Variants in CRPPA observed in about 807,000 individuals in gnomAD.
CRPPA encodes the protein CDP-L-ribitol pyrophosphorylase A.
In CRPPA, 43 loss-of-function variants were observed where a neutral mutation model predicts 52.0. The observed-to-expected ratio is 0.83, with a 90% CI of 0.65 to 1.07. The LOEUF is 1.07. CRPPA is among the 50% of genes least tolerant of loss of function. CRPPA has a pLI of 0.00. For synonymous variants in CRPPA, 250 were observed against 203.5 expected, an observed-to-expected ratio of 1.23 and a Z score of -1.94; for missense variants, 629 against 551.7, an observed-to-expected ratio of 1.14 and a Z score of -1.40.
At chr7:16,331,116 C>G (rs1273556677) in intron 3 of CRPPA, among the ~76,000 whole-genome samples, 1 of 152,172 alleles carries the variant, frequency 6.6e-6, no homozygotes, top group Non-Finnish European at 1.5e-5. Context: ...TCTCCTGCCT[C>G]AGCCTCCCGA....
At chr7:16,128,868 T>A (rs1423282031) in intron 9 of CRPPA, among the ~76,000 whole-genome samples, 1 of 152,084 alleles carries the variant, frequency 6.6e-6, no homozygotes, top group African/African-American at 2.4e-5. Context: ...GAAAGAAGAA[T>A]ATAATAACAG....
At chr7:16,255,610 A>T (rs1477707935) in intron 8 of CRPPA, among the ~76,000 whole-genome samples, 1 of 152,196 alleles carries the variant, frequency 6.6e-6, no homozygotes, top group Non-Finnish European at 1.5e-5. Flanking sequence ...GACCAATGGA[A>T]CAGAACAGAG....
At chr7:16,286,996 T>C (rs917576197) in intron 5 of CRPPA, among the ~76,000 whole-genome samples, 3 of 152,332 alleles carry the variant, frequency 2.0e-5, no homozygotes, top group African/African-American at 4.8e-5. Context: ...ATCATTTCAA[T>C]AGTCAGCAGA....
At chr7:16,219,750 T>C (rs1782447163) in intron 8 of CRPPA, among the ~76,000 whole-genome samples, 1 of 126,022 alleles carries the variant, frequency 7.9e-6, no homozygotes, top group Non-Finnish European at 1.8e-5. Flanking sequence ...CAGGAAGAAG[T>C]TGAATCTCTG....
intron 3 of CRPPA, among the ~76,000 whole-genome samples, chr7:16,317,295 A>G (rs1785163382): frequency 6.6e-6 from 1 of 152,178 alleles, no homozygotes; most frequent in African/African-American, 2.4e-5. Flanking sequence ...AACAAACATA[A>G]CAGCACATCT....
chr7:16,277,803 A>G (rs1243955486), intron 6 of CRPPA, among the ~76,000 whole-genome samples: 1 of 152,142 alleles, frequency 6.6e-6, no homozygotes, highest in Non-Finnish European at 1.5e-5. Flanking sequence ...AGAGTCTACA[A>G]ACTTTACTAA....
At chr7:16,311,850 C>A (rs990524055) in intron 3 of CRPPA, among the ~76,000 whole-genome samples, 1 of 152,092 alleles carries the variant, frequency 6.6e-6, no homozygotes, top group Non-Finnish European at 1.5e-5. Context: ...GTTGTTCCAA[C>A]AACATTTGGT....
In CRPPA at chr7:16,267,570, C is replaced by T. The variant is rs1045765272; in HGVS notation, c.934-8558G>A. Among the ~76,000 whole-genome samples the T allele has an allele frequency of 2.6e-5, 4 of 152,102 alleles. No individual in the cohort carries two copies. The East Asian group carries it at 7.7e-4, about 29-fold the overall frequency. On this transcript the variant is annotated intron_variant, in intron 6 of 9. Transcript: ENST00000407010. ...TCTAGCAAATGAAAGAAAACTGCAA[C>T]CTTACTGAGCCAAAGCCATTGCCTT...
chr7:16,174,871 T>A (rs1781263263), intron 9 of CRPPA, among the ~76,000 whole-genome samples: 1 of 152,142 alleles, frequency 6.6e-6, no homozygotes, highest in East Asian at 1.9e-4. Flanking sequence ...ATCAAAATAA[T>A]CTATAATTTC....
intron 9 of CRPPA, among the ~76,000 whole-genome samples, chr7:16,176,231 T>C (rs1179890250): frequency 6.6e-6 from 1 of 152,160 alleles, no homozygotes; most frequent in Non-Finnish European, 1.5e-5. Context: ...TAACAAAATA[T>C]TTAAAGAGAG....
At chr7:16,251,930 G>A (rs552211678) in intron 8 of CRPPA, among the ~76,000 whole-genome samples, 3 of 152,214 alleles carry the variant, frequency 2.0e-5, no homozygotes, top group African/African-American at 7.2e-5. Flanking sequence ...AAAAATCAGT[G>A]AGTCCAGGAG....
chr7:16,147,331 G>C (rs1782993067), intron 9 of CRPPA, among the ~76,000 whole-genome samples: 1 of 152,078 alleles, frequency 6.6e-6, no homozygotes, highest in Non-Finnish European at 1.5e-5. Flanking sequence ...CCTGATGCAG[G>C]CCACATGCTT....
intron 6 of CRPPA, among the ~76,000 whole-genome samples, chr7:16,259,934 T>TA (rs1231003819): frequency 6.6e-6 from 1 of 152,070 alleles, no homozygotes; most frequent in Non-Finnish European, 1.5e-5. Flanking sequence ...TTCAAGGTCT[T>TA]AGCTTTACTC....
chr7:16,165,606 A>G (rs1328928501), intron 9 of CRPPA, among the ~76,000 whole-genome samples: 5 of 152,238 alleles, frequency 3.3e-5, no homozygotes, highest in African/African-American at 1.2e-4. Flanking sequence ...ACTCTCATAT[A>G]TTCATTGTCA....
At chr7:16,361,179 T>C (rs1241935829) in intron 3 of CRPPA, among the ~76,000 whole-genome samples, 1 of 152,130 alleles carries the variant, frequency 6.6e-6, no homozygotes, top group Non-Finnish European at 1.5e-5. Context: ...TCATCCCCAT[T>C]AGGACAATTA....
chr7:16,233,288 G>A (rs1295174), intron 8 of CRPPA, among the ~76,000 whole-genome samples: 117,832 of 152,072 alleles, frequency 0.77, 46,030 homozygotes, highest in African/African-American at 0.87. Flanking sequence ...TAATGCTGAA[G>A]ACATTCCTAA....
intron 3 of CRPPA, among the ~76,000 whole-genome samples, chr7:16,347,591 C>T (rs1354609391): frequency 6.6e-6 from 1 of 152,072 alleles, no homozygotes; most frequent in African/African-American, 2.4e-5. Flanking sequence ...TCCAGATTCC[C>T]CCTTCACCCA....
At chr7:16,380,206 C>T (rs202027366) in intron 2 of CRPPA, among the ~76,000 whole-genome samples, 2 of 151,376 alleles carry the variant, frequency 1.3e-5, no homozygotes, top group African/African-American at 2.4e-5. Context: ...TGAAGAGTTG[C>T]TGAATTTTGT....
At chr7:16,419,958 C>G (rs115627211) in intron 1 of CRPPA, among the ~76,000 whole-genome samples, 2,686 of 152,284 alleles carry the variant, frequency 0.018, 61 homozygotes, top group African/African-American at 0.049. Context: ...ATTACTCTTT[C>G]TCCATTGCAA....
Sources: allele counts gnomAD v4.1 joint callset (sites outside exome capture counted in the v4.1 genomes callset), GRCh38; gene constraint gnomAD v4.1.1; transcripts MANE v1.5; gene names NCBI Gene and HGNC (gene_info 2026-07-23, HGNC 2026-07-21).